Variants in FRY observed in about 807,000 individuals in gnomAD.
The protein encoded by FRY is FRY microtubule binding protein.
In FRY, 128 loss-of-function variants were observed where a neutral mutation model predicts 348.4. That is an observed-to-expected ratio of 0.37 (90% CI 0.32 to 0.43). The LOEUF (loss-of-function observed/expected upper bound fraction) is 0.43, where lower values mean the gene tolerates loss of function less well. Ranked by LOEUF, FRY falls within the 20% of genes least tolerant of loss-of-function variation. FRY has a pLI of 1.00. For synonymous variants in FRY, 1,370 were observed against 1,374.7 expected (o/e 1.00, Z 0.08); for missense variants, 2,736 against 3,695.2 (o/e 0.74, Z 6.73).
chr13:32,256,118 A>G (rs1887322628), intron 51 of FRY, among the ~76,000 whole-genome samples: 1 of 152,158 alleles, frequency 6.6e-6, no homozygotes, highest in Admixed American at 6.5e-5. Context: ...ATATTATACT[A>G]ATGTTTTTCA....
Position 32,265,597 on chromosome 13 carries a change from G to A in FRY, c.7927G>A (p.Asp2643Asn), listed in dbSNP as rs116867520. The A allele has an allele frequency of 9.5e-5, 154 of 1,614,092 alleles. 1 individual carries two copies. The East Asian group carries it at 3.3e-3, about 35-fold the overall frequency. Residue 2643 changes from aspartate (D) to asparagine (N), a missense_variant, in exon 54 of 61, where the codon GAC becomes AAC. Physicochemically the swap from Asp to Asn is conservative, Grantham distance 23. Coordinates refer to ENST00000542859, the MANE Select transcript of FRY (RefSeq NM_023037.3). ...EGEEKGNRALDQFTLASFGEG... is the reference protein window; with the variant it reads ...EGEEKGNRALNQFTLASFGEG... ...GGAAGAAAAAGGCAATCGGGCACTGGACCAGTTTACCCTGGCGAGGTAATG... is the reference window on the plus strand; with the variant it reads ...GGAAGAAAAAGGCAATCGGGCACTGAACCAGTTTACCCTGGCGAGGTAATG...
chr13:32,111,962 C>T (rs543028018), intron 3 of FRY, among the ~76,000 whole-genome samples: 1 of 152,290 alleles, frequency 6.6e-6, no homozygotes, highest in South Asian at 2.1e-4. Flanking sequence ...AGACATTGCT[C>T]AGTGACCTCT....
At chr13:32,228,322 C>A in intron 39 of FRY, 134 bp from the exon 40 acceptor site, 1 of 779,624 alleles carries the variant, frequency 1.3e-6, no homozygotes. Flanking sequence ...ATCATAGCCA[C>A]AGCCGAAAGC....
Position 32,184,905 on chromosome 13 carries a change from G to GT in FRY, c.3147-67dup. On this transcript the variant is annotated intron_variant, in intron 25 of 60. Coordinates refer to ENST00000542859, the MANE Select transcript of FRY (RefSeq NM_023037.3). ...GTGTGAGTTGTGACAGTGAATCTTA[G>GT]TTTTCATGAAGCCTGTATTACTTTG... 40 of 1,334,964 alleles carry GT rather than the reference G, an allele frequency of 3.0e-5. 1 individual carries two copies. In the South Asian group the frequency reaches 4.7e-4, roughly 16 times the overall value. 82.7% of individuals were successfully genotyped at this position (1,334,964 alleles called of 1,614,324 possible).
At chr13:32,265,755 G>A (rs1422359183) in intron 54 of FRY, 139 bp downstream of exon 54, 26 of 850,334 alleles carry the variant, frequency 3.1e-5, no homozygotes, top group Non-Finnish European at 4.8e-5. Flanking sequence ...ATCATGGCAG[G>A]CTCTCAGCTG....
At chr13:32,248,973 G>A (rs976767351) in intron 48 of FRY, among the ~76,000 whole-genome samples, 7 of 152,170 alleles carry the variant, frequency 4.6e-5, no homozygotes, top group Admixed American at 6.5e-5. Context: ...AGGCCTGCTC[G>A]GAGCTTGAGT....
chr13:32,053,256 AAG>A (rs1873442009), intron 1 of FRY, among the ~76,000 whole-genome samples: 1 of 152,216 alleles, frequency 6.6e-6, no homozygotes, highest in Non-Finnish European at 1.5e-5. Flanking sequence ...TCTTAGACAG[AAG>A]AGTTATTTTA....
intron 55 of FRY, among the ~76,000 whole-genome samples, chr13:32,274,490 A>T (rs35812294): frequency 8.6e-5 from 13 of 151,636 alleles, no homozygotes; most frequent in Admixed American, 4.6e-4. Flanking sequence ...GGCGGATCAC[A>T]AGGTCAGATC....
At chr13:32,044,790 A>T (rs1242972669) in intron 1 of FRY, among the ~76,000 whole-genome samples, 1 of 152,214 alleles carries the variant, frequency 6.6e-6, no homozygotes, top group Non-Finnish European at 1.5e-5. Flanking sequence ...ACCCTGATAG[A>T]CTTGCTGCTT....
intron 1 of FRY, among the ~76,000 whole-genome samples, chr13:32,048,918 C>T (rs1367614140): frequency 1.3e-5 from 2 of 152,154 alleles, no homozygotes; most frequent in African/African-American, 4.8e-5. Flanking sequence ...TCCCTTCTTA[C>T]CAATTATTAA....
chr13:32,145,390 T>G (rs1334601399), intron 11 of FRY, among the ~76,000 whole-genome samples: 1 of 152,078 alleles, frequency 6.6e-6, no homozygotes, highest in Non-Finnish European at 1.5e-5. Context: ...ATGGATAAGA[T>G]GTCAAATTCA....
rs1187006590 is a variant in FRY at position 32,294,484 on chromosome 13, G to A, written c.8697G>A (p.Thr2899=). 1.2e-5 allele frequency: 19 copies of A among 1,613,784 alleles called. No homozygotes were observed. Among genetic ancestry groups the A allele is most frequent in the Middle Eastern group, 1.6e-4 (1 of 6,084 alleles). The change falls in exon 60 of 61, where the codon ACG becomes ACA. Residue 2899 remains threonine (T), a synonymous_variant. Transcript: ENST00000542859. ...SDGAWSEPTF[T]STEAAIQSML... ...GCGCGTGGTCCGAGCCCACCTTCAC[G>A]TCCACTGAAGCAGCCATCCAGTCCA...
chr13:32,034,779 T>A (rs1872424271), intron 1 of FRY, among the ~76,000 whole-genome samples: 1 of 152,126 alleles, frequency 6.6e-6, no homozygotes. Context: ...TCGTTCATCC[T>A]CTCTCATGTT....
In FRY at chr13:32,178,250, A is replaced by T; in HGVS notation, c.2495A>T (p.His832Leu). ...VEWNAVLVNS[H>L]YDVKSPSHVW... ...TGGAACGCAGTCCTGGTCAATAGCCATTATGATGTGAAAAGCCCTTCCCAT... is the reference window on the plus strand; with the variant it reads ...TGGAACGCAGTCCTGGTCAATAGCCTTTATGATGTGAAAAGCCCTTCCCAT... Residue 832 changes from histidine to leucine, a missense_variant, in exon 21 of 61, where the codon CAT (histidine) becomes CTT (leucine). This residue lies in a region of FRY where 449 missense variants were observed against 576.9 expected (regional missense o/e 0.78). Coordinates refer to ENST00000542859, the MANE Select transcript of FRY (RefSeq NM_023037.3). 1 of 1,614,192 alleles carries T rather than the reference A, an allele frequency of 6.2e-7. No homozygotes were observed. The highest frequency in any genetic ancestry group is 1.1e-5 in the South Asian group (1 of 91,082).
At chr13:32,078,100 G>A (rs1875220416) in intron 1 of FRY, among the ~76,000 whole-genome samples, 1 of 152,216 alleles carries the variant, frequency 6.6e-6, no homozygotes, top group Non-Finnish European at 1.5e-5. Context: ...AACAGTGTCT[G>A]ACTCTGTTGC....
At chr13:32,252,004 T>G (rs1887108641) in intron 50 of FRY, 52 bp downstream of exon 50, 9 of 1,212,938 alleles carry the variant, frequency 7.4e-6, no homozygotes, top group Non-Finnish European at 1.1e-5. Context: ...TCCTTTTTCA[T>G]TGGTCTGTTT....
chr13:32,068,875 A>G (rs1874424451), intron 1 of FRY, among the ~76,000 whole-genome samples: 1 of 146,618 alleles, frequency 6.8e-6, no homozygotes, highest in Non-Finnish European at 1.5e-5. Flanking sequence ...CATTAATCAG[A>G]TCTCATATAT....
chr13:32,122,166 G>A (rs536458358), intron 4 of FRY, among the ~76,000 whole-genome samples: 22 of 152,222 alleles, frequency 1.4e-4, no homozygotes, highest in Non-Finnish European at 2.1e-4. Flanking sequence ...TAGACAGGCC[G>A]GGCGCAGTGG....
chr13:32,067,373 A>T (rs533931651), intron 1 of FRY, among the ~76,000 whole-genome samples: 1 of 152,236 alleles, frequency 6.6e-6, no homozygotes, highest in South Asian at 2.1e-4. Context: ...TAATGTTAAC[A>T]AAAGTCTTGA....
Sources: allele counts gnomAD v4.1 joint callset (sites outside exome capture counted in the v4.1 genomes callset), GRCh38; gene constraint gnomAD v4.1.1; regional missense constraint gnomAD v4.1.1; transcripts MANE v1.5; gene names NCBI Gene and HGNC (gene_info 2026-07-23, HGNC 2026-07-21).